Variants in DDX31 observed in about 807,000 individuals in gnomAD.
DDX31 encodes the protein ATP-dependent DNA helicase DDX31.
A neutral mutation model predicts 91.3 loss-of-function variants in DDX31; 70 were observed. That is an observed-to-expected ratio of 0.77 (90% confidence interval 0.63 to 0.94). DDX31 has a LOEUF of 0.94. Ranked by LOEUF, DDX31 falls within the 40% of genes least tolerant of loss-of-function variation. DDX31 has a pLI of 0.00. For missense variants in DDX31, 902 were observed against 925.0 expected, an observed-to-expected ratio of 0.98 and a Z score of 0.32; for synonymous variants, 362 against 350.6, an observed-to-expected ratio of 1.03 and a Z score of -0.36.
At chr9:132,614,607 A>G (rs1187072157) in intron 18 of DDX31, among the ~76,000 whole-genome samples, 1 of 151,942 alleles carries the variant, frequency 6.6e-6, no homozygotes, top group African/African-American at 2.4e-5. Context: ...TTCATTTCCT[A>G]CCTCTCTTCT....
At chr9:132,664,074 C>T (rs565872317) in intron 1 of DDX31, among the ~76,000 whole-genome samples, 3 of 152,310 alleles carry the variant, frequency 2.0e-5, no homozygotes, top group East Asian at 1.9e-4. Context: ...CCTCCTGCAT[C>T]CCATGAGGCA....
chr9:132,615,237 C>T (rs1457921809), intron 18 of DDX31, among the ~76,000 whole-genome samples: 2 of 152,094 alleles, frequency 1.3e-5, no homozygotes, highest in African/African-American at 4.8e-5. Flanking sequence ...TTTTTCATTC[C>T]TGGACATTTG....
chr9:132,660,478 G>T (rs1303519108), intron 4 of DDX31, among the ~76,000 whole-genome samples: 1 of 152,192 alleles, frequency 6.6e-6, no homozygotes, highest in Non-Finnish European at 1.5e-5. Flanking sequence ...AGGATAGCAG[G>T]AGGAAGCTCG....
chr9:132,620,474 C>T (rs1393624673), intron 17 of DDX31, among the ~76,000 whole-genome samples: 2 of 143,276 alleles, frequency 1.4e-5, no homozygotes, highest in African/African-American at 2.6e-5. Context: ...AAGCGAAATA[C>T]GTAGGGAAAA....
chr9:132,631,014 G>C (rs1055105766), intron 15 of DDX31, among the ~76,000 whole-genome samples: 1 of 152,274 alleles, frequency 6.6e-6, no homozygotes. Flanking sequence ...GTTCCCTGCA[G>C]GTAGGGACAT....
intron 6 of DDX31, among the ~76,000 whole-genome samples, chr9:132,656,398 T>C (rs1286538289): frequency 2.6e-5 from 4 of 152,192 alleles, no homozygotes; most frequent in South Asian, 2.1e-4. Flanking sequence ...AAGTAAAATA[T>C]GACATATAAC....
intron 19 of DDX31, among the ~76,000 whole-genome samples, chr9:132,603,646 C>T (rs567432369): frequency 2.2e-4 from 34 of 152,308 alleles, no homozygotes; most frequent in African/African-American, 4.6e-4. Flanking sequence ...CTGTTGCACA[C>T]GGCCGCATCT....
chr9:132,652,650 C>T (rs750435199), intron 6 of DDX31, among the ~76,000 whole-genome samples, 158 bp from the exon 7 acceptor site: 7 of 152,066 alleles, frequency 4.6e-5, no homozygotes, highest in Non-Finnish European at 8.8e-5. Context: ...TGGCTGTGCC[C>T]CCACCCAAAT....
intron 19 of DDX31, among the ~76,000 whole-genome samples, chr9:132,605,370 T>C (rs1402941874): frequency 1.3e-5 from 2 of 152,202 alleles, no homozygotes; most frequent in South Asian, 4.1e-4. Context: ...ATGCATGATA[T>C]GTGGCACTAA....
At chr9:132,662,164 C>T (rs1183125466) in intron 3 of DDX31, 97 bp downstream of exon 3, 2 of 1,195,284 alleles carry the variant, frequency 1.7e-6, no homozygotes, top group Non-Finnish European at 2.4e-6. Context: ...AACAAACACT[C>T]TCTGATCTCT....
At chr9:132,641,376 G>T (rs1321629333) in intron 14 of DDX31, among the ~76,000 whole-genome samples, 1 of 152,350 alleles carries the variant, frequency 6.6e-6, no homozygotes, top group Admixed American at 6.5e-5. Context: ...AACAGAGAAG[G>T]CATTTTAATC....
chr9:132,654,542 G>A (rs534427352), intron 6 of DDX31, among the ~76,000 whole-genome samples: 2 of 152,342 alleles, frequency 1.3e-5, no homozygotes, highest in Admixed American at 6.5e-5. Flanking sequence ...GAACCCAGGA[G>A]GTGGAGGTTG....
intron 1 of DDX31, chr9:132,669,537 G>A (rs761804112): frequency 1.4e-6 from 2 of 1,407,582 alleles, no homozygotes; most frequent in South Asian, 2.4e-5. Context: ...TTAAGCTTTG[G>A]CCTGGGACTT....
Position 132,645,879 on chromosome 9 carries a change from G to C in DDX31, c.1380+16C>G. 1 of 1,601,174 alleles carries C rather than the reference G, an allele frequency of 6.2e-7. No individual in the cohort carries two copies. The highest frequency in any genetic ancestry group is 8.5e-7 in the Non-Finnish European group (1 of 1,171,100). ...GGGCCGCAGTGTTGTCGCTGCACAG[G>C]GAGATCAGTGCTCACCTCCTGCTCC... On this transcript the variant is annotated intron_variant, in intron 13 of 19. Coordinates refer to ENST00000372159, the MANE Select transcript of DDX31 (RefSeq NM_022779.9).
At position 132,641,588 on chromosome 9, in the gene DDX31, G is replaced by A. The variant is rs79154132; in HGVS notation, c.1440+416C>T. Among the ~76,000 whole-genome samples the A allele has an allele frequency of 9.5e-4, 144 of 152,282 alleles. No homozygotes were observed. In the East Asian group the frequency reaches 0.012, roughly 12 times the overall value. On this transcript the variant is annotated intron_variant, in intron 14 of 19. Coordinates refer to ENST00000372159, the MANE Select transcript of DDX31 (RefSeq NM_022779.9). ...TGAAATCACAGGACAAATGATAGTC[G>A]GAGACAGCAGCAAATAAAATCGGCC...
chr9:132,625,628 C>CTGTT, intron 17 of DDX31, 36 bp downstream of exon 17: 1 of 1,537,678 alleles, frequency 6.5e-7, no homozygotes, highest in Non-Finnish European at 9.0e-7. Context: ...TGAGTCACAT[C>CTGTT]TGTTGGCAGC....
chr9:132,635,229 C>T (rs1034011250), intron 14 of DDX31, among the ~76,000 whole-genome samples: 2 of 152,106 alleles, frequency 1.3e-5, no homozygotes, highest in African/African-American at 4.8e-5. Context: ...GAGTAAGTAG[C>T]TGGGGAGTTA....
chr9:132,598,458 C>T (rs781277454), intron 19 of DDX31, among the ~76,000 whole-genome samples: 47 of 152,160 alleles, frequency 3.1e-4, no homozygotes, highest in Non-Finnish European at 6.3e-4. Context: ...ACAGGGAACT[C>T]CCTTGTAGTG....
In DDX31 at chr9:132,650,259, C is replaced by T; in HGVS notation, c.715G>A (p.Glu239Lys). The change falls in exon 9 of 20, where the codon GAG becomes AAG. Residue 239 changes from glutamate to lysine, a missense_variant. Glu to Lys is a moderately conservative substitution (Grantham distance 56). Coordinates refer to ENST00000372159, the MANE Select transcript of DDX31 (RefSeq NM_022779.9). ...CTGGCCTTTTCTGATTTTCTCTTCT[C>T]TCCTCCCATTAACACTCCAGGCACA... Reference protein sequence around the residue: ...WIVPGVLMGGEKRKSEKARLR... With the variant: ...WIVPGVLMGGKKRKSEKARLR... The T allele has an allele frequency of 1.2e-6, 2 of 1,614,162 alleles. No individual in the cohort carries two copies. The highest frequency in any genetic ancestry group is 1.1e-5 in the South Asian group (1 of 91,076).
Sources: gnomAD v4.1 joint callset for allele counts (sites outside exome capture counted in the v4.1 genomes callset) on GRCh38, gnomAD v4.1.1 for gene constraint, MANE v1.5 for transcripts, NCBI Gene and HGNC (gene_info 2026-07-23, HGNC 2026-07-21) for gene names.